ATP13A1: variants seen among roughly 807,000 people sequenced by gnomAD.
The protein encoded by ATP13A1 is endoplasmic reticulum transmembrane helix translocase.
In ATP13A1, 55 loss-of-function variants were observed where a neutral mutation model predicts 134.8. The observed-to-expected ratio is 0.41, with a 90% CI of 0.33 to 0.51. The LOEUF (loss-of-function observed/expected upper bound fraction) is 0.51. Ranked by LOEUF, ATP13A1 falls within the 20% of genes least tolerant of loss-of-function variation. The pLI is 0.29. For missense variants in ATP13A1, 1,389 were observed against 1,652.8 expected (o/e 0.84, Z 2.77); for synonymous variants, 775 against 725.1 (o/e 1.07, Z -1.10).
intron 22 of ATP13A1, chr19:19,646,863 T>C: frequency 1.9e-6 from 1 of 517,648 alleles, no homozygotes; most frequent in East Asian, 3.3e-5. Flanking sequence ...CTCTTGATGA[T>C]TGTTCCTTGC....
At chr19:19,660,256 C>T (rs908026175) in intron 1 of ATP13A1, among the ~76,000 whole-genome samples, 2 of 152,056 alleles carry the variant, frequency 1.3e-5, no homozygotes, top group Non-Finnish European at 2.9e-5. Flanking sequence ...CCAAGGTGGG[C>T]GGATCACTTG....
At chr19:19,662,181 C>T (rs1296101594) in intron 1 of ATP13A1, 1 of 1,549,290 alleles carries the variant, frequency 6.5e-7, no homozygotes. Context: ...GAAGTTTGAG[C>T]GGTGCCACAG....
chr19:19,646,877 T>TG, intron 22 of ATP13A1: 1 of 542,094 alleles, frequency 1.8e-6, no homozygotes, highest in Non-Finnish European at 3.3e-6. Context: ...TCCTTGCTTG[T>TG]GGGGCTCTGT....
chr19:19,659,092 G>A (rs1224928421), intron 3 of ATP13A1, among the ~76,000 whole-genome samples: 2 of 152,250 alleles, frequency 1.3e-5, no homozygotes, highest in East Asian at 3.9e-4. Context: ...CAGCAGGCAA[G>A]TTCAGGGGAG....
intron 3 of ATP13A1, among the ~76,000 whole-genome samples, chr19:19,657,815 C>A (rs1038839007): frequency 3.3e-5 from 5 of 151,946 alleles, no homozygotes; most frequent in African/African-American, 9.7e-5. Flanking sequence ...TGAGACCCAG[C>A]CCCACCAAAG....
intron 1 of ATP13A1, among the ~76,000 whole-genome samples, chr19:19,661,062 G>A (rs1320691703): frequency 2.0e-5 from 3 of 151,712 alleles, no homozygotes; most frequent in African/African-American, 4.8e-5. Flanking sequence ...CTGGGCAACA[G>A]AGCCAGACTC....
rs780101715 is a variant in ATP13A1 at position 19,657,159 on chromosome 19, A to G, written c.751-10T>C. On this transcript the variant is annotated splice_polypyrimidine_tract_variant and intron_variant, in intron 4 of 25. Transcript: ENST00000357324. ...GCCCCACACAGAACACCTGTGGGAT[A>G]CCAGCCTGTCTGTCCTTGCCCTACC... 3.3e-6 allele frequency: 5 copies of G among 1,500,472 alleles called. No homozygotes were observed. The Admixed American group carries it at 9.3e-5, about 28-fold the overall frequency. The allele number at this position is 1,500,472 out of a possible 1,614,324, so 92.9% of individuals were successfully genotyped here. A position where few individuals can be genotyped will look rare whatever the true frequency, so the allele number is the denominator to read the frequency against.
In ATP13A1 at chr19:19,645,724, G is replaced by A; in HGVS notation, c.3427C>T (p.Leu1143=). Residue 1143 remains leucine, a synonymous_variant, in exon 25 of 26, where the codon CTG becomes TTG. Transcript: ENST00000357324. This position sits in a 1 kb window ranked among gnomAD's most constrained non-coding sequence, Gnocchi z 4.1. ...PLVWSLAVSL[L]AIIGLLLGSS... ...CCGAGGAGCAGGCCAATGATGGCCA[G>A]GAGTGAAACTGCCAGACTCCACACC... 1 of 1,597,482 alleles carries A rather than the reference G, an allele frequency of 6.3e-7. No individual in the cohort carries two copies. The highest frequency in any genetic ancestry group is 8.5e-7 in the Non-Finnish European group (1 of 1,172,486).
In ATP13A1 at chr19:19,656,606, T is replaced by C. The variant is rs1346337183; in HGVS notation, c.1083+54A>G. On this transcript the variant is annotated intron_variant, in intron 7 of 25. Transcript: ENST00000357324. This position sits in a 1 kb window ranked among gnomAD's most constrained non-coding sequence, Gnocchi z 4.6. ...CCCCGCCACCCCCTGGGCCTCCACCTCCTGGCCTGTTTCCTCCTGAACAGC... is the reference window on the plus strand; with the variant it reads ...CCCCGCCACCCCCTGGGCCTCCACCCCCTGGCCTGTTTCCTCCTGAACAGC... The C allele has an allele frequency of 6.4e-7, 1 of 1,567,424 alleles. No individual in the cohort carries two copies. The highest frequency in any genetic ancestry group is 8.7e-7 in the Non-Finnish European group (1 of 1,151,582).
intron 1 of ATP13A1, among the ~76,000 whole-genome samples, chr19:19,661,109 C>G (rs1265060553): frequency 6.6e-6 from 1 of 150,658 alleles, no homozygotes; most frequent in Non-Finnish European, 1.5e-5. Flanking sequence ...ACAAAAAAAC[C>G]CCAAAAAACA....
At chr19:19,650,976 A>G (rs1239588674) in intron 17 of ATP13A1, 1 of 152,226 alleles carries the variant, frequency 6.6e-6, no homozygotes, top group Non-Finnish European at 1.5e-5. Flanking sequence ...AATCCAGGGC[A>G]TTGCTCAAAG....
Position 19,663,314 on chromosome 19 carries a change from C to T in ATP13A1, c.353G>A (p.Gly118Glu). The T allele has an allele frequency of 5.7e-6, 9 of 1,590,842 alleles. No individual in the cohort carries two copies. Among genetic ancestry groups the T allele is most frequent in the Non-Finnish European group, 7.7e-6 (9 of 1,169,938 alleles). The change falls in exon 1 of 26, where the codon GGG becomes GAG. Residue 118 changes from glycine (G) to glutamate (E), a missense_variant. Physicochemically the swap from Gly to Glu is moderately conservative, Grantham distance 98. Coordinates refer to ENST00000357324, the MANE Select transcript of ATP13A1 (RefSeq NM_020410.3). ...CLAHALTVLS[G>E]HWSVHAHCAL... ...GCAATGCGCGTGCACAGACCAATGCCCCGAGAGGACAGTGAGCGCGTGCGC... is the reference window on the plus strand; with the variant it reads ...GCAATGCGCGTGCACAGACCAATGCTCCGAGAGGACAGTGAGCGCGTGCGC...
chr19:19,657,182 A>G, intron 4 of ATP13A1, 33 bp from the exon 5 acceptor site: 1 of 1,493,536 alleles, frequency 6.7e-7, no homozygotes, highest in Non-Finnish European at 8.9e-7. Context: ...TCCTTGCCCT[A>G]CCCGCCCTGT....
Position 19,656,142 on chromosome 19 carries a change from G to A in ATP13A1, c.1125C>T (p.Leu375=). 1 of 1,613,684 alleles carries A rather than the reference G, an allele frequency of 6.2e-7. No individual in the cohort carries two copies. The highest frequency in any genetic ancestry group is 8.5e-7 in the Non-Finnish European group (1 of 1,179,746). Residue 375 remains leucine (L), a synonymous_variant, in exon 8 of 26, where the codon CTC becomes CTT. Transcript: ENST00000357324. The surrounding 1 kb of genome is among the most constrained non-coding windows in gnomAD (Gnocchi z 4.6). The part of the protein sequence containing the change: ...EDLSPDRVLD[L]QADSRLHVIF... ...TGACGTGCAGCCGGGAATCAGCCTG[G>A]AGGTCCAGCACCCGGTCTGGGCTGA...
intron 4 of ATP13A1, 73 bp downstream of exon 4, chr19:19,657,263 G>A: frequency 1.3e-6 from 2 of 1,507,812 alleles, no homozygotes; most frequent in South Asian, 1.3e-5. Context: ...TTTAGAAGTG[G>A]TGGGCAGGCT....
In ATP13A1 at chr19:19,654,707, G is replaced by T. The variant is rs777599371; in HGVS notation, c.1656-7C>A. On this transcript the variant is annotated splice_polypyrimidine_tract_variant and splice_region_variant and intron_variant, in intron 12 of 25. Transcript: ENST00000357324. ...GGTCACCTCCTTCCCGTCTCTGCAA[G>T]GTCGGGGAACAGCTGGTTACAGAGT... 91 of 1,608,854 alleles carry T rather than the reference G, an allele frequency of 5.7e-5. No homozygotes were observed. Among genetic ancestry groups the T allele is most frequent in the Non-Finnish European group, 5.1e-6 (6 of 1,178,202 alleles).
chr19:19,647,602 C>A lies in ATP13A1; in HGVS notation c.2790G>T (p.Gln930His), dbSNP rs758781603. 6.2e-7 allele frequency: 1 copy of A among 1,613,542 alleles called. No homozygotes were observed. The highest frequency in any genetic ancestry group is 1.1e-5 in the South Asian group (1 of 91,062). The change falls in exon 20 of 26, where the codon CAG becomes CAT. Residue 930 changes from glutamine to histidine, a missense_variant. This residue lies in a region of ATP13A1 where 121 missense variants were observed against 104.9 expected (regional missense o/e 1.15). Transcript: ENST00000357324. The surrounding 1 kb of genome is among the most constrained non-coding windows in gnomAD (Gnocchi z 4.8). ...LPPSEEQPTS[Q>H]RDRLSQVLRD... ...CACCTCCCCTCTTGGGACTCACCCT[C>A]TGGGAGGTTGGCTGCTCCTCGGAGG...
chr19:19,657,719 G>A (rs2062068633), intron 3 of ATP13A1, among the ~76,000 whole-genome samples: 1 of 152,194 alleles, frequency 6.6e-6, no homozygotes, highest in East Asian at 1.9e-4. Flanking sequence ...ACGAGAGCCC[G>A]TCATCTGGTC....
chr19:19,656,279 C>A lies in ATP13A1; in HGVS notation c.1084-96G>T. On this transcript the variant is annotated intron_variant, in intron 7 of 25. Transcript: ENST00000357324. This position sits in a 1 kb window ranked among gnomAD's most constrained non-coding sequence, Gnocchi z 4.6. ...AGCTGGACCTTGAGGCTGGAATGAG[C>A]CAGGGGGATCCCCACCCGACCAATA... The A allele has an allele frequency of 6.7e-7, 1 of 1,492,518 alleles. No homozygotes were observed. Among genetic ancestry groups the A allele is most frequent in the Admixed American group, 2.1e-5 (1 of 47,634 alleles). 92.5% of individuals were successfully genotyped at this position (1,492,518 alleles called of 1,614,324 possible). A position where few individuals can be genotyped will look rare whatever the true frequency, so the allele number is the denominator to read the frequency against.
Sources: gnomAD v4.1 joint callset for allele counts (sites outside exome capture counted in the v4.1 genomes callset) on GRCh38, gnomAD v4.1.1 for gene constraint, gnomAD v4.1.1 regional missense constraint, Gnocchi (gnomAD v3.1) non-coding constraint, MANE v1.5 for transcripts, NCBI Gene and HGNC (gene_info 2026-07-23, HGNC 2026-07-21) for gene names.